The following DRD2 variants were observed in gnomAD, a reference collection of about 807,000 sequenced individuals.
DRD2 encodes the protein dopamine receptor D2, also known as D(2) dopamine receptor.
DRD2 carries 8 observed loss-of-function variants against 38.0 expected under a neutral mutation model. The observed-to-expected ratio is 0.21, with a 90% confidence interval of 0.12 to 0.38. DRD2 has a LOEUF of 0.38. Ranked by LOEUF, DRD2 falls within the 10% of genes least tolerant of loss-of-function variation. The probability of loss-of-function intolerance (pLI) is 1.00; values close to 1 mark genes in which losing one functional copy is unlikely to be tolerated. For synonymous variants in DRD2, 230 were observed against 238.6 expected, an observed-to-expected ratio of 0.96 and a Z score of 0.33; for missense variants, 403 against 607.7, an observed-to-expected ratio of 0.66 and a Z score of 3.54.
At chr11:113,455,085 A>G (rs1951256154) in intron 1 of DRD2, among the ~76,000 whole-genome samples, 1 of 152,248 alleles carries the variant, frequency 6.6e-6, no homozygotes, top group African/African-American at 2.4e-5. Context: ...ACGGTGGCTC[A>G]TGCATGTAAT....
intron 4 of DRD2, among the ~76,000 whole-genome samples, chr11:113,415,886 G>T (rs1285002081): frequency 1.3e-5 from 2 of 152,232 alleles, no homozygotes; most frequent in Non-Finnish European, 2.9e-5. Flanking sequence ...TTGGTCATTA[G>T]TTTTGCCATG....
rs200184730 is a variant in DRD2 at position 113,412,873 on chromosome 11, C to T, written c.821G>A (p.Arg274Gln). ...CTCCATCTCCAGCTCCTGGGCTCGC[C>T]GGGCAGCCTCCTGCACCAGAGGCAG... ...PVNRRRVEAA[R>Q]RAQELEMEML... The change falls in exon 7 of 8, where the codon CGG becomes CAG. Residue 274 changes from arginine (R) to glutamine (Q), a missense_variant. Physicochemically the swap from Arg to Gln is conservative, Grantham distance 43. Transcript: ENST00000362072. 38 of 1,611,122 alleles carry T rather than the reference C, an allele frequency of 2.4e-5. No individual in the cohort carries two copies. In the East Asian group the frequency reaches 2.9e-4, roughly 12 times the overall value.
Position 113,439,838 on chromosome 11 carries a change from CAAAAAAAAAAAAAAAA to C in DRD2, c.-31-15172_-31-15157del, listed in dbSNP as rs67577307. 1.2e-3 allele frequency among the ~76,000 whole-genome samples: 19 copies of C among 16,250 alleles called. 1 individual carries two copies. The South Asian group carries it at 0.019, about 16-fold the overall frequency. The allele number at this position is 16,250 out of a possible 152,430, so 10.7% of individuals were successfully genotyped here. ...TGGGTGACAGAGGGAGGCTCTGTCT[CAAAAAAAAAAAAAAAA>C]AAAAAAAAAAAAAAAAAAAAGCTAA... On this transcript the variant is annotated intron_variant, in intron 1 of 7. Coordinates refer to ENST00000362072, the MANE Select transcript of DRD2 (RefSeq NM_000795.4).
intron 3 of DRD2, 136 bp from the exon 4 acceptor site, chr11:113,417,135 TA>T (rs1306827415): frequency 2.3e-5 from 30 of 1,308,454 alleles, no homozygotes; most frequent in Non-Finnish European, 3.0e-5. Context: ...CCTGAGATGC[TA>T]ACTCAACCCT....
chr11:113,450,352 G>A (rs1389717711), intron 1 of DRD2, among the ~76,000 whole-genome samples: 1 of 152,200 alleles, frequency 6.6e-6, no homozygotes, highest in Non-Finnish European at 1.5e-5. Flanking sequence ...CTCTGACCAA[G>A]CAGGGCAGGG....
chr11:113,432,102 A>G (rs1193660440), intron 1 of DRD2, among the ~76,000 whole-genome samples: 1 of 152,240 alleles, frequency 6.6e-6, no homozygotes, highest in Non-Finnish European at 1.5e-5. Flanking sequence ...TTTAAGGCTC[A>G]GCAGTTTGAG....
rs554714449 is a variant in DRD2 at position 113,414,133 on chromosome 11, A to T, written c.810+242T>A. 8 of 571,210 alleles carry T rather than the reference A, an allele frequency of 1.4e-5. No individual in the cohort carries two copies. In the East Asian group the frequency reaches 2.4e-4, roughly 17 times the overall value. 35.4% of individuals were successfully genotyped at this position (571,210 alleles called of 1,614,324 possible). A position where few individuals can be genotyped will look rare whatever the true frequency, so the allele number is the denominator to read the frequency against. On this transcript the variant is annotated intron_variant, in intron 6 of 7. Coordinates refer to ENST00000362072, the MANE Select transcript of DRD2 (RefSeq NM_000795.4). ...AGAAATGTGAATAGCCATTATTATC[A>T]TTTTTATTACGTTGGTATGGCCAAC...
chr11:113,453,783 T>A (rs141012615), intron 1 of DRD2, among the ~76,000 whole-genome samples: 56 of 152,334 alleles, frequency 3.7e-4, no homozygotes, highest in African/African-American at 1.3e-3. Flanking sequence ...CATGATTTTT[T>A]AAAAGTCCCC....
At chr11:113,451,312 A>C (rs374235704) in intron 1 of DRD2, among the ~76,000 whole-genome samples, 5 of 152,184 alleles carry the variant, frequency 3.3e-5, no homozygotes, top group African/African-American at 1.2e-4. Context: ...AGATGCTAAC[A>C]GTTAGAAAAG....
chr11:113,417,946 C>T, intron 3 of DRD2, 81 bp downstream of exon 3: 1 of 1,157,608 alleles, frequency 8.6e-7, no homozygotes, highest in Non-Finnish European at 1.3e-6. Flanking sequence ...AGACACGAGA[C>T]ACAGCCTGGC....
intron 1 of DRD2, among the ~76,000 whole-genome samples, chr11:113,458,050 GAAC>G (rs1464516553): frequency 6.6e-6 from 1 of 152,254 alleles, no homozygotes; most frequent in Non-Finnish European, 1.5e-5. Flanking sequence ...TCAAAGGACA[GAAC>G]AAGACTTTCT....
rs1016147466 is a variant in DRD2, at chr11:113,414,522, C to T, written c.724-61G>A. 3 of 1,567,590 alleles carry T rather than the reference C, an allele frequency of 1.9e-6. No individual in the cohort carries two copies. In the African/African-American group the frequency reaches 4.1e-5, roughly 21 times the overall value. On this transcript the variant is annotated intron_variant, in intron 5 of 7. Coordinates refer to ENST00000362072, the MANE Select transcript of DRD2 (RefSeq NM_000795.4). ...GGTGGGGATGGAGGGGGGACAGAAACCCAAAGTGCAGCAGTCCATGGAACT... is the reference window on the plus strand; with the variant it reads ...GGTGGGGATGGAGGGGGGACAGAAATCCAAAGTGCAGCAGTCCATGGAACT...
chr11:113,467,524 T>G (rs996290121), intron 1 of DRD2, among the ~76,000 whole-genome samples: 4 of 152,222 alleles, frequency 2.6e-5, no homozygotes, highest in Non-Finnish European at 5.9e-5. Flanking sequence ...TCTGCTCATG[T>G]GAAGTTCTTT....
intron 1 of DRD2, among the ~76,000 whole-genome samples, chr11:113,457,449 C>T (rs1401668992): frequency 6.6e-6 from 1 of 152,166 alleles, no homozygotes; most frequent in Non-Finnish European, 1.5e-5. Flanking sequence ...GATGAATCTA[C>T]AAAGTTTATA....
At position 113,412,622 on chromosome 11, in the gene DRD2, T is replaced by A; in HGVS notation, c.1072A>T (p.Met358Leu). ...TGCTGGGAGAGCTTCCTACGGCTCA[T>A]GGTCTTGAGGGAGGTCCGGGTTTTG... ...NGKTRTSLKT[M>L]SRRKLSQQKE... Residue 358 changes from methionine to leucine, a missense_variant, in exon 7 of 8, where the codon ATG (methionine) becomes TTG (leucine). Around this residue, in one of 4 missense-constraint regions of DRD2, gnomAD observed 67 missense variants for 136.1 expected, o/e 0.49. Coordinates refer to ENST00000362072, the MANE Select transcript of DRD2 (RefSeq NM_000795.4). The A allele has an allele frequency of 6.2e-7, 1 of 1,614,156 alleles. No individual in the cohort carries two copies. The highest frequency in any genetic ancestry group is 8.5e-7 in the Non-Finnish European group (1 of 1,180,030).
chr11:113,450,781 G>T (rs534806614), intron 1 of DRD2, among the ~76,000 whole-genome samples: 3 of 152,232 alleles, frequency 2.0e-5, no homozygotes, highest in Non-Finnish European at 2.9e-5. Context: ...GGAGAGATTT[G>T]GTCCTCTTGA....
intron 1 of DRD2, among the ~76,000 whole-genome samples, chr11:113,440,396 G>C (rs961945008): frequency 2.0e-5 from 3 of 152,222 alleles, no homozygotes; most frequent in Non-Finnish European, 1.5e-5. Context: ...CTTTCAGGGA[G>C]AAGCTCAGGG....
In DRD2 at chr11:113,424,406, G is replaced by A. The variant is rs774749525; in HGVS notation, c.246C>T (p.Leu82=). Residue 82 remains leucine (L), a synonymous_variant, in exon 2 of 8, where the codon CTC becomes CTT. Coordinates refer to ENST00000362072, the MANE Select transcript of DRD2 (RefSeq NM_000795.4). ...LIVSLAVADL[L]VATLVMPWVV... is the part of the protein sequence containing the mutation. ...CCCAGGGCATGACCAGTGTGGCGAC[G>A]AGGAGGTCGGCCACTGCGAGGCTGA... The A allele has an allele frequency of 2.5e-6, 4 of 1,614,152 alleles. No homozygotes were observed. Among genetic ancestry groups the A allele is most frequent in the South Asian group, 1.1e-5 (1 of 91,080 alleles).
intron 1 of DRD2, among the ~76,000 whole-genome samples, chr11:113,448,459 T>A (rs1485503599): frequency 6.6e-6 from 1 of 152,178 alleles, no homozygotes; most frequent in East Asian, 1.9e-4. Flanking sequence ...TGCTCCCCAC[T>A]CTAAAAAGCC....
Sources: allele counts gnomAD v4.1 joint callset (sites outside exome capture counted in the v4.1 genomes callset), GRCh38; gene constraint gnomAD v4.1.1; regional missense constraint gnomAD v4.1.1; transcripts MANE v1.5; gene names NCBI Gene and HGNC (gene_info 2026-07-23, HGNC 2026-07-21).